Variants in HDAC8 observed in about 807,000 individuals in gnomAD.
HDAC8 encodes the protein histone deacetylase-like 1.
A neutral mutation model predicts 32.2 loss-of-function variants in HDAC8; 1 was observed. The ratio of observed to expected loss-of-function variants is 0.03; its 90% CI spans 0.01 to 0.15. The LOEUF (loss-of-function observed/expected upper bound fraction) is 0.15. HDAC8 is among the 10% of genes least tolerant of loss of function. HDAC8 has a pLI of 1.00. For missense variants in HDAC8, 117 were observed against 300.0 expected (o/e 0.39, Z 4.51); for synonymous variants, 108 against 113.9 (o/e 0.95, Z 0.33).
rs143839883 is a variant in HDAC8, at chrX:72,491,672, C to T, written c.551-666G>A. On this transcript the variant is annotated intron_variant, in intron 5 of 10. Transcript: ENST00000373573. ...GTTTTAAAATCTGAAGAAAGATGGG[C>T]GAGAAAGGGGTCTGTTTTCCATTTT... Among the ~76,000 whole-genome samples the T allele has an allele frequency of 7.2e-3, 806 of 111,289 alleles. 13 individuals are homozygous for T. Among genetic ancestry groups the T allele is most frequent in the African/African-American group, 0.025 (761 of 30,614 alleles).
intron 9 of HDAC8, among the ~76,000 whole-genome samples, chrX:72,369,913 T>A (rs139058839): frequency 6.5e-4 from 73 of 112,634 alleles, no homozygotes; most frequent in African/African-American, 2.3e-3. Flanking sequence ...TGAGGTCAGC[T>A]AGGATGGAGG....
chrX:72,489,310 C>T (rs781973578), intron 6 of HDAC8: 1 of 418,801 alleles, frequency 2.4e-6, no homozygotes, highest in South Asian at 2.8e-5. Context: ...ATCAATTTAT[C>T]ACTGCAATTA....
At chrX:72,441,685 G>A (rs2047152702) in intron 9 of HDAC8, among the ~76,000 whole-genome samples, 1 of 112,455 alleles carries the variant, frequency 8.9e-6, no homozygotes, top group Non-Finnish European at 1.9e-5. Flanking sequence ...GCTGGATGGA[G>A]AATGACTTTG....
chrX:72,415,187 G>GA (rs781816747), intron 9 of HDAC8, among the ~76,000 whole-genome samples: 2 of 111,949 alleles, frequency 1.8e-5, no homozygotes, highest in African/African-American at 3.2e-5. Context: ...ACTATTTATT[G>GA]AAAAGGCTGT....
intron 9 of HDAC8, among the ~76,000 whole-genome samples, chrX:72,373,558 T>C (rs970795128): frequency 8.9e-6 from 1 of 112,735 alleles, no homozygotes; most frequent in Non-Finnish European, 1.9e-5. Context: ...TTGTTCTTTT[T>C]ATGGCTGAAT....
At chrX:72,445,220 A>G (rs1263200480) in intron 9 of HDAC8, among the ~76,000 whole-genome samples, 14 of 110,087 alleles carry the variant, frequency 1.3e-4, no homozygotes, top group Non-Finnish European at 2.5e-4. Flanking sequence ...AGCCCGCATC[A>G]CCAAGTCAAT....
intron 7 of HDAC8, chrX:72,468,106 C>T: frequency 2.5e-5 from 24 of 958,635 alleles, no homozygotes; most frequent in East Asian, 3.5e-5. Flanking sequence ...GTAAGGGCAG[C>T]TTACAGAGGG....
chrX:72,338,109 T>G (rs1264957252), intron 10 of HDAC8, among the ~76,000 whole-genome samples: 1 of 111,864 alleles, frequency 8.9e-6, no homozygotes, highest in Admixed American at 9.5e-5. Context: ...TTCAATCCAC[T>G]TAGCGCACAG....
chrX:72,360,359 A>G (rs1185753708), intron 9 of HDAC8, among the ~76,000 whole-genome samples: 2 of 111,502 alleles, frequency 1.8e-5, no homozygotes, highest in Admixed American at 1.9e-4. Flanking sequence ...CGTCAAAAAA[A>G]AAAAAGAAGA....
intron 4 of HDAC8, among the ~76,000 whole-genome samples, chrX:72,525,665 T>C (rs1174674117): frequency 1.9e-5 from 2 of 107,606 alleles, no homozygotes; most frequent in African/African-American, 6.8e-5. Context: ...TACAAAAAAA[T>C]TAGCCGGGCG....
chrX:72,430,784 G>A (rs2147949243), intron 9 of HDAC8, among the ~76,000 whole-genome samples: 1 of 111,976 alleles, frequency 8.9e-6, no homozygotes, highest in South Asian at 3.7e-4. Context: ...GGGACTAACA[G>A]CTATTGAAGC....
At chrX:72,372,540 C>T (rs1019423460) in intron 9 of HDAC8, among the ~76,000 whole-genome samples, 14 of 111,225 alleles carry the variant, frequency 1.3e-4, no homozygotes, top group African/African-American at 4.6e-4. Flanking sequence ...AGCATCCTCA[C>T]CCTAAATCAA....
intron 10 of HDAC8, among the ~76,000 whole-genome samples, chrX:72,334,230 C>T (rs781936115): frequency 5.4e-5 from 6 of 111,982 alleles, no homozygotes; most frequent in East Asian, 2.8e-4. Context: ...CAGACCACAG[C>T]GGGCAGACTC....
Position 72,565,155 on chromosome X carries a change from T to C in HDAC8, c.437+2734A>G, listed in dbSNP as rs191415442. On this transcript the variant is annotated intron_variant, in intron 4 of 10. Coordinates refer to ENST00000373573, the MANE Select transcript of HDAC8 (RefSeq NM_018486.3). ...AATATATCTTGCTTCAATTTCTATA[T>C]CTCTGCTTACTGGTGATGATAAACA... 3.4e-4 allele frequency among the ~76,000 whole-genome samples: 38 copies of C among 112,760 alleles called. No homozygotes were observed. The East Asian group carries it at 7.2e-3, about 21-fold the overall frequency.
At chrX:72,438,081 C>A (rs1555980026) in intron 9 of HDAC8, among the ~76,000 whole-genome samples, 5 of 112,159 alleles carry the variant, frequency 4.5e-5, no homozygotes, top group Admixed American at 9.4e-5. Flanking sequence ...ACAGACATCT[C>A]ATACAGGAGA....
Position 72,438,104 on chromosome X carries a change from A to T in HDAC8, c.1005+23900T>A, listed in dbSNP as rs1316520016. On this transcript the variant is annotated intron_variant, in intron 9 of 10. Transcript: ENST00000373573. Reference sequence around the variant, plus strand: ...CTCATACAGGAGAACTCCGGCTGGCATCTGGCAGGGGCCCCTCTGGGACAA... The same window carrying T: ...CTCATACAGGAGAACTCCGGCTGGCTTCTGGCAGGGGCCCCTCTGGGACAA... Among the ~76,000 whole-genome samples, 3 of 112,085 alleles carry T rather than the reference A, an allele frequency of 2.7e-5. No individual in the cohort carries two copies. In the East Asian group the frequency reaches 8.4e-4, roughly 31 times the overall value.
chrX:72,345,415 G>A (rs1203762961), intron 10 of HDAC8, among the ~76,000 whole-genome samples: 1 of 111,221 alleles, frequency 9.0e-6, no homozygotes, highest in Non-Finnish European at 1.9e-5. Flanking sequence ...CTTCTTGCGT[G>A]ATTAGGGCAT....
At chrX:72,571,990 C>T in intron 2 of HDAC8, 67 bp downstream of exon 2, 1 of 932,348 alleles carries the variant, frequency 1.1e-6, no homozygotes, top group Middle Eastern at 2.7e-4. Flanking sequence ...CCTTGCCCCA[C>T]TGTGAAGCAG....
At chrX:72,454,915 T>C (rs1277003817) in intron 9 of HDAC8, among the ~76,000 whole-genome samples, 1 of 112,701 alleles carries the variant, frequency 8.9e-6, no homozygotes, top group Non-Finnish European at 1.9e-5. Context: ...TTTAAACATT[T>C]AGCTGTAATC....
Sources: gnomAD v4.1 joint callset for allele counts (sites outside exome capture counted in the v4.1 genomes callset) on GRCh38, gnomAD v4.1.1 for gene constraint, MANE v1.5 for transcripts, NCBI Gene and HGNC (gene_info 2026-07-23, HGNC 2026-07-21) for gene names.